HS3ST2: variants seen among roughly 807,000 people sequenced by gnomAD.
The protein encoded by HS3ST2 is heparan sulfate-glucosamine 3-sulfotransferase 2.
A neutral mutation model predicts 26.3 loss-of-function variants in HS3ST2; 17 were observed. The ratio of observed to expected loss-of-function variants is 0.65; its 90% CI spans 0.44 to 0.97. The LOEUF (loss-of-function observed/expected upper bound fraction) is 0.97. HS3ST2 is among the 50% of genes least tolerant of loss of function. The probability of loss-of-function intolerance (pLI) is 0.00; values close to 1 mark genes in which losing one functional copy is unlikely to be tolerated. For missense variants in HS3ST2, 402 were observed against 501.2 expected, an observed-to-expected ratio of 0.80 and a Z score of 1.89; for synonymous variants, 237 against 219.2, an observed-to-expected ratio of 1.08 and a Z score of -0.72.
rs770196156 is a variant in HS3ST2, at chr16:22,915,541, G to T, written c.1083G>T (p.Gly361=). ...PYNIKFYETV[G]QDFRWE ...ATATCAAATTTTATGAAACCGTTGG[G>T]CAGGACTTCAGGTGGGAATAAGCCC... The change falls in exon 2 of 2, where the codon GGG becomes GGT. Residue 361 remains glycine, a synonymous_variant. Transcript: ENST00000261374. 2 of 1,613,340 alleles carry T rather than the reference G, an allele frequency of 1.2e-6. No individual in the cohort carries two copies. Among genetic ancestry groups the T allele is most frequent in the South Asian group, 1.1e-5 (1 of 90,998 alleles).
chr16:22,884,296 A>G (rs1368233415), intron 1 of HS3ST2, among the ~76,000 whole-genome samples: 1 of 152,194 alleles, frequency 6.6e-6, no homozygotes, highest in Admixed American at 6.5e-5. Context: ...TATAGATAGG[A>G]ACCCAAGGAA....
intron 1 of HS3ST2, among the ~76,000 whole-genome samples, chr16:22,826,781 A>G (rs1208410374): frequency 1.2e-4 from 18 of 152,226 alleles, no homozygotes; most frequent in Non-Finnish European, 2.1e-4. Flanking sequence ...TATGGAATGT[A>G]GATGCAGGTG....
chr16:22,860,105 T>A lies in HS3ST2; in HGVS notation c.485+45010T>A, dbSNP rs1285208940. On this transcript the variant is annotated intron_variant, in intron 1 of 1. Transcript: ENST00000261374. ...TAAAATGACAATTGCCCTCTTCCCT[T>A]GTATTAGTCTGTTATTGTGCTGCTA... 4.6e-5 allele frequency among the ~76,000 whole-genome samples: 7 copies of A among 152,300 alleles called. No homozygotes were observed. The East Asian group carries it at 1.4e-3, about 29-fold the overall frequency.
chr16:22,908,443 T>A (rs1359536259), intron 1 of HS3ST2, among the ~76,000 whole-genome samples: 1 of 152,198 alleles, frequency 6.6e-6, no homozygotes, highest in African/African-American at 2.4e-5. Flanking sequence ...CTGTTGCTCA[T>A]AACAGATTAC....
At position 22,907,557 on chromosome 16, in the gene HS3ST2, G is replaced by A. The variant is rs574455265; in HGVS notation, c.486-7387G>A. Among the ~76,000 whole-genome samples, 15 of 152,288 alleles carry A rather than the reference G, an allele frequency of 9.8e-5. 1 individual carries two copies. The highest frequency in any genetic ancestry group is 8.3e-4 in the South Asian group (4 of 4,828). Reference sequence around the variant, plus strand: ...TTGGGGAGGTAAAACTTACAAGAACGAAAGACACTGGATTTGAGGAAGAGT... The same window carrying A: ...TTGGGGAGGTAAAACTTACAAGAACAAAAGACACTGGATTTGAGGAAGAGT... On this transcript the variant is annotated intron_variant, in intron 1 of 1. Transcript: ENST00000261374.
chr16:22,824,382 C>T (rs1901049540), intron 1 of HS3ST2, among the ~76,000 whole-genome samples: 2 of 151,962 alleles, frequency 1.3e-5, no homozygotes, highest in African/African-American at 4.8e-5. Flanking sequence ...CCTGTCTCTA[C>T]TAAGAATACA....
intron 1 of HS3ST2, among the ~76,000 whole-genome samples, chr16:22,878,775 TGAA>T (rs1901951748): frequency 6.6e-6 from 1 of 151,350 alleles, no homozygotes; most frequent in Non-Finnish European, 1.5e-5. Flanking sequence ...AGTGCAGGCC[TGAA>T]GAAGGTGAGG....
chr16:22,878,538 A>G (rs1567494834), intron 1 of HS3ST2, among the ~76,000 whole-genome samples: 1 of 152,080 alleles, frequency 6.6e-6, no homozygotes, highest in Non-Finnish European at 1.5e-5. Flanking sequence ...GGGCTCACTG[A>G]CCACCCAAAA....
Position 22,877,321 on chromosome 16 carries a change from G to A in HS3ST2, c.486-37623G>A, listed in dbSNP as rs1901934918. On this transcript the variant is annotated intron_variant, in intron 1 of 1. Coordinates refer to ENST00000261374, the MANE Select transcript of HS3ST2 (RefSeq NM_006043.2). The stretch of plus-strand genomic sequence containing the variant: ...GAGGAGCAGGAATACCTTTGTTTGA[G>A]GCTGGCTAGTCCTAGCAGGATTGAC... Among the ~76,000 whole-genome samples the A allele has an allele frequency of 2.0e-5, 3 of 152,164 alleles. No individual in the cohort carries two copies. In the South Asian group the frequency reaches 6.2e-4, roughly 32 times the overall value.
At chr16:22,877,562 TC>T (rs1344838865) in intron 1 of HS3ST2, among the ~76,000 whole-genome samples, 1 of 152,126 alleles carries the variant, frequency 6.6e-6, no homozygotes, top group Non-Finnish European at 1.5e-5. Context: ...GATCTGAAAA[TC>T]CAAGAGAGTT....
chr16:22,815,715 C>T (rs531928680), intron 1 of HS3ST2, among the ~76,000 whole-genome samples: 23 of 152,226 alleles, frequency 1.5e-4, no homozygotes, highest in African/African-American at 5.1e-4. Context: ...GTGGAAAGAG[C>T]CCTGGATTCG....
intron 1 of HS3ST2, among the ~76,000 whole-genome samples, chr16:22,886,078 A>G (rs1902054520): frequency 6.6e-6 from 1 of 152,202 alleles, no homozygotes; most frequent in Admixed American, 6.5e-5. Flanking sequence ...TAAGCAAAGT[A>G]GCCCTGGAGG....
intron 1 of HS3ST2, among the ~76,000 whole-genome samples, chr16:22,871,503 T>G (rs1901838594): frequency 6.6e-6 from 1 of 152,188 alleles, no homozygotes; most frequent in Non-Finnish European, 1.5e-5. Flanking sequence ...ATTTTTAACT[T>G]AAGATATTTT....
chr16:22,856,368 T>C (rs1392396463), intron 1 of HS3ST2, among the ~76,000 whole-genome samples: 1 of 152,222 alleles, frequency 6.6e-6, no homozygotes. Flanking sequence ...CAAGATATCT[T>C]TACTCAATAT....
intron 1 of HS3ST2, among the ~76,000 whole-genome samples, chr16:22,897,979 A>G (rs1371052926): frequency 1.3e-5 from 2 of 152,266 alleles, no homozygotes; most frequent in Non-Finnish European, 2.9e-5. Context: ...GTGAGCCACA[A>G]AGACGATAAG....
intron 1 of HS3ST2, among the ~76,000 whole-genome samples, chr16:22,868,835 T>C (rs1337182224): frequency 6.6e-6 from 1 of 152,114 alleles, no homozygotes; most frequent in Non-Finnish European, 1.5e-5. Flanking sequence ...CCTAATTGAA[T>C]AAAACCTATA....
In HS3ST2 at chr16:22,841,793, T is replaced by C. The variant is rs75133214; in HGVS notation, c.485+26698T>C. 8.3e-4 allele frequency among the ~76,000 whole-genome samples: 127 copies of C among 152,338 alleles called. 1 individual carries two copies. In the East Asian group the frequency reaches 0.019, roughly 23 times the overall value. ...AGTTCAGTTGCCTGTAGTGGTTTTT[T>C]TCATAGGTGAATTCTGTCAATATTT... is the stretch of plus-strand genomic sequence containing the variant. On this transcript the variant is annotated intron_variant, in intron 1 of 1. Coordinates refer to ENST00000261374, the MANE Select transcript of HS3ST2 (RefSeq NM_006043.2).
chr16:22,887,475 T>C (rs1421431901), intron 1 of HS3ST2, among the ~76,000 whole-genome samples: 1 of 152,216 alleles, frequency 6.6e-6, no homozygotes, highest in East Asian at 1.9e-4. Context: ...TCTGTCTCCA[T>C]GATCTAATCA....
At chr16:22,828,113 C>T (rs1035716683) in intron 1 of HS3ST2, among the ~76,000 whole-genome samples, 4 of 152,146 alleles carry the variant, frequency 2.6e-5, no homozygotes, top group African/African-American at 7.2e-5. Flanking sequence ...CTTGACTGGT[C>T]CTGTCTATCA....
Sources: gnomAD v4.1 joint callset for allele counts (sites outside exome capture counted in the v4.1 genomes callset) on GRCh38, gnomAD v4.1.1 for gene constraint, MANE v1.5 for transcripts, NCBI Gene and HGNC (gene_info 2026-07-23, HGNC 2026-07-21) for gene names.